The following BCL2L14 variants were observed in gnomAD, a reference collection of about 807,000 sequenced individuals.
BCL2L14 encodes the protein BCL2 like 14.
In BCL2L14, 27 loss-of-function variants were observed where a neutral mutation model predicts 35.3. The observed-to-expected ratio is 0.76, with a 90% CI of 0.56 to 1.05. The LOEUF is 1.05. Among genes scored for constraint, BCL2L14 ranks in the 50% least tolerant of loss-of-function variants. The pLI is 0.00. For synonymous variants in BCL2L14, 139 were observed against 145.9 expected (o/e 0.95, Z 0.34); for missense variants, 377 against 382.6 (o/e 0.99, Z 0.12).
At chr12:12,092,771 C>T (rs1949218712) in intron 4 of BCL2L14, among the ~76,000 whole-genome samples, 1 of 152,162 alleles carries the variant, frequency 6.6e-6, no homozygotes, top group Non-Finnish European at 1.5e-5. Context: ...GAGTCACAAC[C>T]CAGACGGGGC....
chr12:12,061,416 G>A (rs1428164502), intron 2 of BCL2L14, among the ~76,000 whole-genome samples: 18 of 152,090 alleles, frequency 1.2e-4, no homozygotes, highest in South Asian at 1.0e-3. Context: ...AAAGCCTGTT[G>A]TCACTCGCCT....
chr12:12,081,172 G>A (rs1185188244), intron 2 of BCL2L14, among the ~76,000 whole-genome samples: 1 of 151,992 alleles, frequency 6.6e-6, no homozygotes, highest in Non-Finnish European at 1.5e-5. Flanking sequence ...GGGTGACAGA[G>A]TGAGAGCCCA....
At chr12:12,055,152 T>A (rs1948412996) in intron 2 of BCL2L14, 1 of 152,126 alleles carries the variant, frequency 6.6e-6, no homozygotes, top group African/African-American at 2.4e-5. Context: ...AGAGAGGAGA[T>A]GGAAAAGTAA....
At chr12:12,089,559 G>A (rs191016440) in intron 3 of BCL2L14, among the ~76,000 whole-genome samples, 2 of 151,670 alleles carry the variant, frequency 1.3e-5, no homozygotes, top group East Asian at 2.0e-4. Flanking sequence ...TTAGCCGGGT[G>A]TGGTGGCACA....
intron 2 of BCL2L14, among the ~76,000 whole-genome samples, chr12:12,081,080 G>A (rs531550211): frequency 1.3e-5 from 2 of 152,094 alleles, no homozygotes; most frequent in East Asian, 1.9e-4. Context: ...CTGGCTACTC[G>A]GGAGGCTGAG....
intron 1 of BCL2L14, among the ~76,000 whole-genome samples, chr12:12,074,466 G>T (rs1430760224): frequency 2.6e-4 from 39 of 150,854 alleles, no homozygotes; most frequent in African/African-American, 9.0e-4. Context: ...TTTTTTTTGA[G>T]ACAGAGTCTG....
chr12:12,090,633 A>G (rs1949163593), intron 3 of BCL2L14, 146 bp from the exon 4 acceptor site: 2 of 558,862 alleles, frequency 3.6e-6, no homozygotes, highest in Non-Finnish European at 3.0e-6. Context: ...AACTCTGTCT[A>G]AAAAATAAAA....
intron 2 of BCL2L14, among the ~76,000 whole-genome samples, chr12:12,080,573 T>C (rs1290534112): frequency 6.6e-6 from 1 of 151,034 alleles, no homozygotes; most frequent in East Asian, 2.0e-4. Context: ...TGAGCCGAGA[T>C]TGCATCACTG....
At chr12:12,053,885 G>A (rs1948393866) in intron 2 of BCL2L14, among the ~76,000 whole-genome samples, 1 of 152,268 alleles carries the variant, frequency 6.6e-6, no homozygotes. Flanking sequence ...CTGTTCACGT[G>A]TGGCTGATCA....
In BCL2L14 at chr12:12,099,146, T is replaced by C; in HGVS notation, c.*158T>C. ...GACTGGAGAGGCATCAGGAGAGGTC[T>C]CGTTCGTCTCCAGCTCATAAAATGT... On this transcript the variant is annotated 3_prime_UTR_variant, in exon 6 of 6. Transcript: ENST00000308721. The C allele has an allele frequency of 1.7e-6, 1 of 605,756 alleles. No homozygotes were observed. The highest frequency in any genetic ancestry group is 3.0e-6 in the Non-Finnish European group (1 of 336,286). The allele number at this position is 605,756 out of a possible 1,614,324, so 37.5% of individuals were successfully genotyped here.
At chr12:12,054,094 G>A (rs1235260171) in intron 2 of BCL2L14, among the ~76,000 whole-genome samples, 1 of 152,134 alleles carries the variant, frequency 6.6e-6, no homozygotes, top group Non-Finnish European at 1.5e-5. Context: ...GTATTTGTTT[G>A]TTTAATGTAA....
At chr12:12,091,947 A>T (rs1185137960) in intron 4 of BCL2L14, among the ~76,000 whole-genome samples, 2 of 152,202 alleles carry the variant, frequency 1.3e-5, no homozygotes, top group Non-Finnish European at 2.9e-5. Context: ...TTCCTGGAGA[A>T]TAGGCATTCC....
At chr12:12,074,439 TTTTTTC>T (rs1467988161) in intron 1 of BCL2L14, among the ~76,000 whole-genome samples, 2 of 152,196 alleles carry the variant, frequency 1.3e-5, no homozygotes, top group African/African-American at 4.8e-5. Flanking sequence ...ACCTTTTTCT[TTTTTTC>T]TTTTTATTAT....
rs541916894 is a variant in BCL2L14, at chr12:12,087,286, G to A, written c.507G>A (p.Ala169=). 2 of 1,614,152 alleles carry A rather than the reference G, an allele frequency of 1.2e-6. No individual in the cohort carries two copies. Among genetic ancestry groups the A allele is most frequent in the African/African-American group, 1.3e-5 (1 of 75,020 alleles). Residue 169 remains alanine, a synonymous_variant, in exon 3 of 6, where the codon GCG becomes GCA. Coordinates refer to ENST00000308721, the MANE Select transcript of BCL2L14 (RefSeq NM_138723.2). ...TTTACTCCTGGCCACCACCACAAGC[G>A]ACCCAGGCAGGAGGCTTCAAGTCCA... ...EIVYSWPPPQ[A]TQAGGFKSKE...
chr12:12,067,325 C>T (rs192754394), upstream of BCL2L14, among the ~76,000 whole-genome samples: 269 of 152,230 alleles, frequency 1.8e-3, 1 homozygote, highest in African/African-American at 5.7e-3. Flanking sequence ...CTGAGGCAGA[C>T]AAATATCTTG....
At chr12:12,060,895 T>G in intron 2 of BCL2L14, among the ~76,000 whole-genome samples, 1 of 68,998 alleles carries the variant, frequency 1.4e-5, no homozygotes, top group Non-Finnish European at 2.8e-5. Flanking sequence ...CCGTAGACCA[T>G]CACAGATGCC....
At chr12:12,082,680 T>C (rs1948953722) in intron 2 of BCL2L14, among the ~76,000 whole-genome samples, 1 of 152,230 alleles carries the variant, frequency 6.6e-6, no homozygotes, top group African/African-American at 2.4e-5. Context: ...GATGTGTTAA[T>C]GTGCTGAATA....
At chr12:12,087,765 T>G (rs1162419306) in intron 3 of BCL2L14, among the ~76,000 whole-genome samples, 1 of 152,216 alleles carries the variant, frequency 6.6e-6, no homozygotes, top group East Asian at 1.9e-4. Context: ...CAGGGATTTA[T>G]ATTATAACAT....
intron 2 of BCL2L14, among the ~76,000 whole-genome samples, chr12:12,063,789 G>A (rs1472307352): frequency 3.9e-5 from 6 of 152,080 alleles, no homozygotes; most frequent in Admixed American, 2.6e-4. Flanking sequence ...CACAAAAGAC[G>A]TGAAAATGGC....
Sources: gnomAD v4.1 joint callset for allele counts (sites outside exome capture counted in the v4.1 genomes callset) on GRCh38, gnomAD v4.1.1 for gene constraint, MANE v1.5 for transcripts, NCBI Gene and HGNC (gene_info 2026-07-23, HGNC 2026-07-21) for gene names.